Variants in MID2 observed in about 807,000 individuals in gnomAD.
MID2 encodes the protein probable E3 ubiquitin-protein ligase MID2.
Under a neutral mutation model 46.1 loss-of-function variants are expected in MID2, and 13 were observed. The observed-to-expected ratio is 0.28, with a 90% CI of 0.18 to 0.45. The LOEUF (loss-of-function observed/expected upper bound fraction) is 0.45. Among genes scored for constraint, MID2 ranks in the 20% least tolerant of loss-of-function variants. The pLI, the probability that MID2 is intolerant of heterozygous loss-of-function variation, is 1.00. For synonymous variants in MID2, 199 were observed against 212.3 expected (o/e 0.94, Z 0.55); for missense variants, 431 against 575.4 (o/e 0.75, Z 2.57).
intron 3 of MID2, chrX:107,894,452 A>C (rs1932673375): frequency 8.9e-6 from 1 of 112,036 alleles, no homozygotes; most frequent in Non-Finnish European, 1.9e-5. Context: ...TGTTATTCCA[A>C]CGTCTCTCCA....
chrX:107,842,257 A>G (rs996693288), intron 2 of MID2, among the ~76,000 whole-genome samples: 1 of 112,262 alleles, frequency 8.9e-6, no homozygotes, highest in East Asian at 2.8e-4. Context: ...TATAATATGT[A>G]TGTACAAGTC....
chrX:107,924,147 C>T (rs1933124666), intron 7 of MID2, among the ~76,000 whole-genome samples, 196 bp from the exon 8 acceptor site: 1 of 112,507 alleles, frequency 8.9e-6, no homozygotes, highest in African/African-American at 3.2e-5. Flanking sequence ...AGGAGCCTGG[C>T]CTAAGCCTAG....
chrX:107,848,717 A>G (rs773281543), intron 2 of MID2, among the ~76,000 whole-genome samples: 1 of 112,057 alleles, frequency 8.9e-6, no homozygotes, highest in South Asian at 3.8e-4. Context: ...TTCTGGCATA[A>G]GGGTGTGGGC....
At position 107,926,149 on chromosome X, in the gene MID2, T is replaced by C; in HGVS notation, c.1653T>C (p.Asn551=). ...CTCACAAGAAGTTGAAGATCTCCAATGATGGATTGCAGATGGAGAAGGATG... is the reference window on the plus strand; with the variant it reads ...CTCACAAGAAGTTGAAGATCTCCAACGATGGATTGCAGATGGAGAAGGATG... ...KMTHKKLKIS[N]DGLQMEKDES... The change falls in exon 9 of 10, where the codon AAT becomes AAC. Residue 551 remains asparagine, a synonymous_variant. Transcript: ENST00000262843. 8.3e-7 allele frequency: 1 copy of C among 1,208,387 alleles called. No homozygotes were observed. The highest frequency in any genetic ancestry group is 3.0e-5 in the East Asian group (1 of 33,771).
chrX:107,900,406 T>C (rs1792620528), intron 3 of MID2, among the ~76,000 whole-genome samples: 1 of 111,538 alleles, frequency 9.0e-6, no homozygotes, highest in Admixed American at 9.6e-5. Flanking sequence ...ATTGAAGATA[T>C]GTAAGCAAAA....
intron 1 of MID2, among the ~76,000 whole-genome samples, chrX:107,831,823 T>C (rs1008883055): frequency 4.5e-5 from 5 of 112,292 alleles, no homozygotes; most frequent in African/African-American, 1.3e-4. Flanking sequence ...CCAGTAGTCA[T>C]AGGTAAATTA....
intron 3 of MID2, among the ~76,000 whole-genome samples, chrX:107,877,781 C>T (rs961259074): frequency 3.6e-5 from 4 of 111,684 alleles, no homozygotes; most frequent in African/African-American, 9.8e-5. Flanking sequence ...TGTTGCCTCA[C>T]TTGGGATTCT....
chrX:107,851,121 C>T (rs969946626), intron 2 of MID2, among the ~76,000 whole-genome samples: 1 of 111,565 alleles, frequency 9.0e-6, no homozygotes, highest in African/African-American at 3.3e-5. Context: ...TGGGCCACTG[C>T]TAGAGAAAAT....
At chrX:107,902,218 C>T (rs1932799957) in intron 3 of MID2, among the ~76,000 whole-genome samples, 1 of 111,833 alleles carries the variant, frequency 8.9e-6, no homozygotes, top group Non-Finnish European at 1.9e-5. Flanking sequence ...TATATGTAAA[C>T]TAATTAGAGC....
rs1419450758 is a variant in MID2, at chrX:107,905,490, A to G, written c.937A>G (p.Arg313Gly). 8.3e-7 allele frequency: 1 copy of G among 1,203,614 alleles called. No homozygotes were observed. The change falls in exon 5 of 10, where the codon AGA becomes GGA. Residue 313 changes from arginine to glycine, a missense_variant. Coordinates refer to ENST00000262843, the MANE Select transcript of MID2 (RefSeq NM_012216.4). ...TAATTCCTTAAAGGTTATGAAACTG[A>G]GAAAGTTGGCACAGCAGGTTGCTAA... ...KIKETKVMKL[R>G]KLAQQVANCR...
chrX:107,868,604 T>C (rs896170352), intron 3 of MID2, among the ~76,000 whole-genome samples: 1 of 111,636 alleles, frequency 9.0e-6, no homozygotes, highest in Non-Finnish European at 1.9e-5. Context: ...TGTGAGAATT[T>C]AAAATAATTC....
At chrX:107,895,224 G>GT (rs951243183) in intron 3 of MID2, 8 of 106,536 alleles carry the variant, frequency 7.5e-5, no homozygotes, top group African/African-American at 2.8e-4. Flanking sequence ...TTGGGGGGGG[G>GT]GTGGATAGTT....
At chrX:107,868,139 A>T (rs1931995942) in intron 3 of MID2, among the ~76,000 whole-genome samples, 1 of 111,555 alleles carries the variant, frequency 9.0e-6, no homozygotes, top group Non-Finnish European at 1.9e-5. Flanking sequence ...TATATCAATA[A>T]AGCTCTTAAA....
intron 3 of MID2, among the ~76,000 whole-genome samples, chrX:107,872,670 T>C (rs1023134295): frequency 8.9e-6 from 1 of 111,787 alleles, no homozygotes; most frequent in African/African-American, 3.3e-5. Flanking sequence ...TCTGGGCTTA[T>C]AGAGGGAGAA....
intron 3 of MID2, among the ~76,000 whole-genome samples, chrX:107,876,444 A>C (rs1395408830): frequency 9.0e-6 from 1 of 111,590 alleles, no homozygotes; most frequent in Non-Finnish European, 1.9e-5. Context: ...GAAAGGCAGT[A>C]GGATTCTCAT....
At chrX:107,826,625 T>G (rs1389042330) in intron 1 of MID2, among the ~76,000 whole-genome samples, 195 bp downstream of exon 1, 2 of 112,513 alleles carry the variant, frequency 1.8e-5, no homozygotes, top group African/African-American at 6.4e-5. Flanking sequence ...GCTCCGGCTC[T>G]CAGTCATGCT....
At chrX:107,863,092 G>A (rs890645865) in intron 3 of MID2, among the ~76,000 whole-genome samples, 3 of 112,059 alleles carry the variant, frequency 2.7e-5, no homozygotes, top group African/African-American at 9.7e-5. Flanking sequence ...GTGCAATCCA[G>A]TGTGTGGTCA....
chrX:107,919,168 T>C (rs1933023340), intron 7 of MID2, among the ~76,000 whole-genome samples: 1 of 111,538 alleles, frequency 9.0e-6, no homozygotes, highest in African/African-American at 3.3e-5. Flanking sequence ...TTTTAGTAAA[T>C]AATAACAACA....
chrX:107,838,082 A>G (rs1223096130), intron 1 of MID2, among the ~76,000 whole-genome samples: 1 of 112,405 alleles, frequency 8.9e-6, no homozygotes, highest in Non-Finnish European at 1.9e-5. Context: ...CCAGTGGTTG[A>G]GGTGATAAAA....
Sources: allele counts gnomAD v4.1 joint callset (sites outside exome capture counted in the v4.1 genomes callset), GRCh38; gene constraint gnomAD v4.1.1; transcripts MANE v1.5; gene names NCBI Gene and HGNC (gene_info 2026-07-23, HGNC 2026-07-21).